Variants in RILPL1 observed in about 807,000 individuals in gnomAD.
RILPL1 encodes the protein Rab interacting lysosomal protein like 1.
RILPL1 carries 33 observed loss-of-function variants against 50.3 expected under a neutral mutation model. The observed-to-expected ratio is 0.66, with a 90% confidence interval of 0.50 to 0.88. The LOEUF is 0.88. Among genes scored for constraint, RILPL1 ranks in the 40% least tolerant of loss-of-function variants. RILPL1 has a pLI of 0.00. For missense variants in RILPL1, 418 were observed against 542.5 expected (o/e 0.77, Z 2.28); for synonymous variants, 205 against 228.6 (o/e 0.90, Z 0.93).
chr12:123,527,007 G>A (rs1176794179), intron 1 of RILPL1, among the ~76,000 whole-genome samples: 1 of 152,124 alleles, frequency 6.6e-6, no homozygotes, highest in Non-Finnish European at 1.5e-5. Context: ...TACCTTACAT[G>A]GCAAAAGGGA....
intron 2 of RILPL1, among the ~76,000 whole-genome samples, chr12:123,506,685 A>C (rs1883772898): frequency 6.6e-6 from 1 of 152,058 alleles, no homozygotes; most frequent in South Asian, 2.1e-4. Context: ...AGTGACGCTC[A>C]CCTCTCTGAG....
chr12:123,475,553 G>A (rs1003684388), intron 6 of RILPL1: 7 of 709,658 alleles, frequency 9.9e-6, no homozygotes, highest in African/African-American at 5.3e-5. Context: ...CACAGGTGGC[G>A]GCCATGCAGC....
At chr12:123,527,198 G>A (rs1042365246) in intron 1 of RILPL1, among the ~76,000 whole-genome samples, 1 of 152,104 alleles carries the variant, frequency 6.6e-6, no homozygotes. Flanking sequence ...GGGCGTGGTA[G>A]TGCATGCCTG....
chr12:123,525,383 A>ATTTTTT (rs36117410), intron 1 of RILPL1, among the ~76,000 whole-genome samples: 1 of 134,380 alleles, frequency 7.4e-6, no homozygotes, highest in South Asian at 2.4e-4. Context: ...TGACTGGCTA[A>ATTTTTT]TTTTTTTTTT....
intron 2 of RILPL1, chr12:123,514,404 G>T (rs773464677): frequency 4.6e-5 from 7 of 151,770 alleles, no homozygotes; most frequent in Non-Finnish European, 1.0e-4. Flanking sequence ...AACAGGTGAT[G>T]GTTGTACAAC....
chr12:123,532,538 TAGAGTCCTGTG>T (rs1885469685), intron 1 of RILPL1, among the ~76,000 whole-genome samples: 1 of 152,060 alleles, frequency 6.6e-6, no homozygotes, highest in African/African-American at 2.4e-5. Flanking sequence ...ATAGTCTCTA[TAGAGTCCTGTG>T]AGGATTAAGG....
intron 2 of RILPL1, among the ~76,000 whole-genome samples, chr12:123,521,438 G>A (rs1275990439): frequency 6.6e-6 from 1 of 151,276 alleles, no homozygotes; most frequent in South Asian, 2.1e-4. Flanking sequence ...AAGGAAAAGA[G>A]AATCCAGACC....
intron 4 of RILPL1, among the ~76,000 whole-genome samples, chr12:123,488,464 GA>G (rs1882488982): frequency 7.0e-6 from 1 of 141,846 alleles, no homozygotes. Context: ...AAAAAAAAAA[GA>G]AGAAGAAGAA....
At chr12:123,488,723 G>A (rs1247648887) in intron 4 of RILPL1, among the ~76,000 whole-genome samples, 1 of 152,162 alleles carries the variant, frequency 6.6e-6, no homozygotes, top group African/African-American at 2.4e-5. Context: ...CCCAGCCTTG[G>A]GGTCGGAGTC....
At chr12:123,507,923 G>C (rs1283715750) in intron 2 of RILPL1, among the ~76,000 whole-genome samples, 1 of 117,684 alleles carries the variant, frequency 8.5e-6, no homozygotes, top group African/African-American at 3.2e-5. Context: ...CCTGGGCAAA[G>C]AGAGTGAAAC....
At chr12:123,482,031 G>A (rs775905308) in intron 6 of RILPL1, among the ~76,000 whole-genome samples, 5 of 151,878 alleles carry the variant, frequency 3.3e-5, no homozygotes, top group Admixed American at 6.6e-5. Flanking sequence ...TGACCACCAC[G>A]CCCAGCTAAT....
chr12:123,499,583 G>T, intron 2 of RILPL1, 47 bp from the exon 3 acceptor site: 1 of 1,394,596 alleles, frequency 7.2e-7, no homozygotes, highest in Non-Finnish European at 1.0e-6. Context: ...TTACTCCTAT[G>T]TTGAAATCAT....
intron 2 of RILPL1, among the ~76,000 whole-genome samples, chr12:123,518,885 C>T (rs1180448126): frequency 1.3e-5 from 2 of 151,816 alleles, no homozygotes; most frequent in East Asian, 1.9e-4. Context: ...GGTGAAATCC[C>T]GTCTCCGCTA....
chr12:123,496,170 C>T (rs974187365), intron 4 of RILPL1, among the ~76,000 whole-genome samples: 3 of 151,818 alleles, frequency 2.0e-5, no homozygotes, highest in East Asian at 1.9e-4. Context: ...TGCACCACCA[C>T]GCCCAGCTAA....
rs1451892835 is a variant in RILPL1, at chr12:123,533,012, G to C, written c.309+162C>G. ...TGGTATCTGCCAGCCACCCCTGGTC[G>C]GGCAAAAGAAGGCCAGGGCCTCCCT... is the stretch of plus-strand genomic sequence containing the variant. On this transcript the variant is annotated intron_variant, in intron 1 of 6. Transcript: ENST00000376874. This position sits in a 1 kb window ranked among gnomAD's most constrained non-coding sequence, Gnocchi z 6.2. Among the ~76,000 whole-genome samples the C allele has an allele frequency of 6.6e-6, 1 of 152,140 alleles. No individual in the cohort carries two copies. The highest frequency in any genetic ancestry group is 1.5e-5 in the Non-Finnish European group (1 of 68,018).
intron 2 of RILPL1, among the ~76,000 whole-genome samples, chr12:123,512,586 T>C (rs1463768567): frequency 7.3e-6 from 1 of 136,282 alleles, no homozygotes; most frequent in African/African-American, 2.8e-5. Context: ...GAGGTCTGTG[T>C]GTGGTGTGTG....
rs1262199157 is a variant in RILPL1 at position 123,475,819 on chromosome 12, A to T, written c.1068-3137T>A. The T allele has an allele frequency of 9.5e-6, 9 of 944,632 alleles. No homozygotes were observed. The Admixed American group carries it at 1.6e-4, about 17-fold the overall frequency. The allele number at this position is 944,632 out of a possible 1,614,324, so 58.5% of individuals were successfully genotyped here. A position where few individuals can be genotyped will look rare whatever the true frequency, so the allele number is the denominator to read the frequency against. On this transcript the variant is annotated intron_variant, in intron 6 of 6. Coordinates refer to ENST00000376874, the MANE Select transcript of RILPL1 (RefSeq NM_178314.5). Reference sequence around the variant, plus strand: ...GAGGCATGAAAAAGAAACAAACTCCACAGACACCAGTGGAAGGGTTTGATT... The same window carrying T: ...GAGGCATGAAAAAGAAACAAACTCCTCAGACACCAGTGGAAGGGTTTGATT...
intron 4 of RILPL1, among the ~76,000 whole-genome samples, chr12:123,488,883 G>C (rs1409073095): frequency 6.6e-6 from 1 of 152,200 alleles, no homozygotes; most frequent in Non-Finnish European, 1.5e-5. Context: ...TCCAAAGAAA[G>C]TATTCTAGGC....
chr12:123,514,370 G>A (rs536421080), intron 2 of RILPL1: 1 of 152,204 alleles, frequency 6.6e-6, no homozygotes, highest in Admixed American at 6.6e-5. Flanking sequence ...ACCTCAGGAA[G>A]GTGGTGAAAG....
Sources: gnomAD v4.1 joint callset for allele counts (sites outside exome capture counted in the v4.1 genomes callset) on GRCh38, gnomAD v4.1.1 for gene constraint, Gnocchi (gnomAD v3.1) non-coding constraint, MANE v1.5 for transcripts, NCBI Gene and HGNC (gene_info 2026-07-23, HGNC 2026-07-21) for gene names.